The following SPRING1 variants were observed in gnomAD, a reference collection of about 807,000 sequenced individuals.
SPRING1 encodes the protein SREBP regulating gene protein.
In SPRING1, 14 loss-of-function variants were observed where a neutral mutation model predicts 24.7. That is an observed-to-expected ratio of 0.57 (90% CI 0.37 to 0.88). The LOEUF (loss-of-function observed/expected upper bound fraction) is 0.88. Among genes scored for constraint, SPRING1 ranks in the 40% least tolerant of loss-of-function variants. The pLI is 0.00. For synonymous variants in SPRING1, 93 were observed against 106.1 expected (o/e 0.88, Z 0.76); for missense variants, 255 against 268.4 (o/e 0.95, Z 0.35).
Position 116,719,876 on chromosome 12 carries a change from G to C in SPRING1, c.421C>G (p.Gln141Glu). Residue 141 changes from glutamine to glutamate, a missense_variant and splice_region_variant, in exon 4 of 5, where the codon CAA becomes GAA. Physicochemically the swap from Gln to Glu is conservative, Grantham distance 29. Coordinates refer to ENST00000261318, the MANE Select transcript of SPRING1 (RefSeq NM_024738.4). ...CVSCCLQPNK[Q>E]LLLERFLNRA... ...TTGAGGAAGCGCTCCAGGAGAAGTT[G>C]CTATGGAAACAAAAGTTAGTGCCTG... The C allele has an allele frequency of 6.2e-7, 1 of 1,613,850 alleles. No homozygotes were observed. Among genetic ancestry groups the C allele is most frequent in the African/African-American group, 1.3e-5 (1 of 75,034 alleles).
chr12:116,730,034 G>A (rs752572254), intron 1 of SPRING1, among the ~76,000 whole-genome samples: 46 of 152,120 alleles, frequency 3.0e-4, no homozygotes, highest in South Asian at 6.2e-4. Context: ...CCGAGTAGCT[G>A]GAACTACAGG....
In SPRING1 at chr12:116,716,094, C is replaced by A. The variant is rs760786873; in HGVS notation, c.*1716G>T. ...ATGGATGAGACATGCAGACATGCCA[C>A]AATCCGGCACATCAGAGTTCGATGT... On this transcript the variant is annotated 3_prime_UTR_variant, in exon 5 of 5. Transcript: ENST00000261318. 3 of 152,194 alleles carry A rather than the reference C, an allele frequency of 2.0e-5. No homozygotes were observed. The highest frequency in any genetic ancestry group is 4.4e-5 in the Non-Finnish European group (3 of 68,036). 9.4% of individuals were successfully genotyped at this position (152,194 alleles called of 1,614,324 possible).
intron 2 of SPRING1, among the ~76,000 whole-genome samples, chr12:116,722,632 A>T (rs1164843160): frequency 1.3e-5 from 2 of 152,262 alleles, no homozygotes; most frequent in African/African-American, 4.8e-5. Flanking sequence ...CATTCTGGTC[A>T]GTCAACAAGT....
chr12:116,731,109 A>C (rs1011607655), intron 1 of SPRING1, among the ~76,000 whole-genome samples: 18 of 152,256 alleles, frequency 1.2e-4, no homozygotes, highest in Admixed American at 2.6e-4. Context: ...TTCTACAGGA[A>C]AGATATGTAC....
In SPRING1 at chr12:116,717,150, T is replaced by C. The variant is rs1870177749; in HGVS notation, c.*660A>G. On this transcript the variant is annotated 3_prime_UTR_variant, in exon 5 of 5. Coordinates refer to ENST00000261318, the MANE Select transcript of SPRING1 (RefSeq NM_024738.4). This position sits in a 1 kb window ranked among gnomAD's most constrained non-coding sequence, Gnocchi z 4.2. ...TAGAATGGAAGAGTGTCTGAGTTTTTAGATAATTTTACACGTCAGGATATG... is the reference window on the plus strand; with the variant it reads ...TAGAATGGAAGAGTGTCTGAGTTTTCAGATAATTTTACACGTCAGGATATG... The C allele has an allele frequency of 6.6e-6, 1 of 152,202 alleles. No individual in the cohort carries two copies. The highest frequency in any genetic ancestry group is 2.1e-4 in the South Asian group (1 of 4,832). The allele number at this position is 152,202 out of a possible 1,614,324, so 9.4% of individuals were successfully genotyped here.
intron 1 of SPRING1, among the ~76,000 whole-genome samples, chr12:116,731,077 G>A (rs1176813155): frequency 1.3e-5 from 2 of 152,252 alleles, no homozygotes; most frequent in Admixed American, 6.5e-5. Context: ...AGAACGTACT[G>A]TTAGGCATAT....
intron 1 of SPRING1, among the ~76,000 whole-genome samples, chr12:116,730,035 G>C (rs931835312): frequency 1.3e-5 from 2 of 152,104 alleles, no homozygotes; most frequent in African/African-American, 4.8e-5. Flanking sequence ...CGAGTAGCTG[G>C]AACTACAGGC....
At chr12:116,735,630 G>C (rs1438426326) in intron 1 of SPRING1, among the ~76,000 whole-genome samples, 1 of 152,068 alleles carries the variant, frequency 6.6e-6, no homozygotes, top group Non-Finnish European at 1.5e-5. Flanking sequence ...TACTCAGGAG[G>C]CTAAGGCAGG....
intron 1 of SPRING1, among the ~76,000 whole-genome samples, chr12:116,733,756 G>C (rs1165704245): frequency 6.6e-6 from 1 of 152,164 alleles, no homozygotes. Context: ...GCTGACAGTA[G>C]TACACAGTAA....
rs1869993636 is a variant in SPRING1, at chr12:116,714,055, A to AGTT, written c.*3752_*3754dup. 1 of 151,500 alleles carries AGTT rather than the reference A, an allele frequency of 6.6e-6. No individual in the cohort carries two copies. Among genetic ancestry groups the AGTT allele is most frequent in the Non-Finnish European group, 1.5e-5 (1 of 67,908 alleles). 9.4% of individuals were successfully genotyped at this position (151,500 alleles called of 1,614,324 possible). On this transcript the variant is annotated 3_prime_UTR_variant, in exon 5 of 5. Coordinates refer to ENST00000261318, the MANE Select transcript of SPRING1 (RefSeq NM_024738.4). ...CTGCCCCTGCCATTGCTCCCTGCTG[A>AGTT]GTTGCAGACATTGACTTCTTGCCAA... is the stretch of plus-strand genomic sequence containing the variant.
chr12:116,731,328 A>C (rs892138777), intron 1 of SPRING1, among the ~76,000 whole-genome samples: 4 of 152,176 alleles, frequency 2.6e-5, no homozygotes, highest in Non-Finnish European at 5.9e-5. Context: ...AAGGTGAAAA[A>C]AGCAAATAAC....
rs555307043 is a variant in SPRING1 at position 116,717,578 on chromosome 12, G to T, written c.*232C>A. The T allele has an allele frequency of 4.9e-6, 2 of 406,926 alleles. No homozygotes were observed. Among genetic ancestry groups the T allele is most frequent in the African/African-American group, 2.1e-5 (1 of 48,174 alleles). 25.2% of individuals were successfully genotyped at this position (406,926 alleles called of 1,614,324 possible). A position where few individuals can be genotyped will look rare whatever the true frequency, so the allele number is the denominator to read the frequency against. On this transcript the variant is annotated 3_prime_UTR_variant, in exon 5 of 5. Coordinates refer to ENST00000261318, the MANE Select transcript of SPRING1 (RefSeq NM_024738.4). This position sits in a 1 kb window ranked among gnomAD's most constrained non-coding sequence, Gnocchi z 4.2. ...CCCGGCCTCCGGTTTCATCTTTCCC[G>T]AATGGGACTGGCTGGAGGGGCCAAG... is the stretch of plus-strand genomic sequence containing the variant.
intron 1 of SPRING1, among the ~76,000 whole-genome samples, chr12:116,727,568 G>A (rs339459): frequency 0.89 from 135,627 of 152,178 alleles, 60,584 homozygotes; most frequent in East Asian, 0.99. Flanking sequence ...ATGAACCTCA[G>A]AAAAAGAGGG....
Position 116,713,689 on chromosome 12 carries a change from C to T in SPRING1, c.*4121G>A, listed in dbSNP as rs1014011950. 1.3e-5 allele frequency: 2 copies of T among 152,202 alleles called. No homozygotes were observed. Among genetic ancestry groups the T allele is most frequent in the African/African-American group, 4.8e-5 (2 of 41,442 alleles). 9.4% of individuals were successfully genotyped at this position (152,202 alleles called of 1,614,324 possible). On this transcript the variant is annotated 3_prime_UTR_variant, in exon 5 of 5. Transcript: ENST00000261318. ...CTTGGAAACCAGTTAATGTCCTCAG[C>T]AGGGAATTAATAATATTATTGTATA...
intron 4 of SPRING1, 90 bp downstream of exon 4, chr12:116,719,673 C>T (rs1870321817): frequency 2.8e-6 from 3 of 1,070,812 alleles, no homozygotes; most frequent in Admixed American, 2.0e-5. Flanking sequence ...CCCTTACCAC[C>T]CCACCAAAAG....
At position 116,725,742 on chromosome 12, in the gene SPRING1, T is replaced by C. The variant is rs557232813; in HGVS notation, c.112-2519A>G. On this transcript the variant is annotated intron_variant, in intron 1 of 4. Transcript: ENST00000261318. ...CTACTAAAAATACAAAAAAATTAGCTGGGCGTGGTGGCGGGCGCCTGTAGT... is the reference window on the plus strand; with the variant it reads ...CTACTAAAAATACAAAAAAATTAGCCGGGCGTGGTGGCGGGCGCCTGTAGT... Among the ~76,000 whole-genome samples the C allele has an allele frequency of 2.8e-4, 43 of 152,006 alleles. No homozygotes were observed. In the South Asian group the frequency reaches 4.4e-3, roughly 15 times the overall value.
At chr12:116,719,677 C>T in intron 4 of SPRING1, 86 bp downstream of exon 4, 1 of 1,144,618 alleles carries the variant, frequency 8.7e-7, no homozygotes, top group Non-Finnish European at 1.3e-6. Flanking sequence ...TACCACCCCA[C>T]CAAAAGGATC....
In SPRING1 at chr12:116,726,484, A is replaced by C. The variant is rs535380189; in HGVS notation, c.112-3261T>G. Among the ~76,000 whole-genome samples, 6 of 152,312 alleles carry C rather than the reference A, an allele frequency of 3.9e-5. No individual in the cohort carries two copies. The South Asian group carries it at 1.0e-3, about 26-fold the overall frequency. On this transcript the variant is annotated intron_variant, in intron 1 of 4. Transcript: ENST00000261318. ...CCCTCCCTTTTGTTTCTTTGCAAAG[A>C]AAGAACTGGTACTAGCAGGACCGGG...
Position 116,710,288 on chromosome 12 carries a change from T to C in SPRING1, c.*7522A>G, listed in dbSNP as rs1592908776. The C allele has an allele frequency of 6.6e-6, 1 of 152,366 alleles. No individual in the cohort carries two copies. The highest frequency in any genetic ancestry group is 1.5e-5 in the Non-Finnish European group (1 of 68,032). The allele number at this position is 152,366 out of a possible 1,614,324, so 9.4% of individuals were successfully genotyped here. Reference sequence around the variant, plus strand: ...CCAGCGGAACTTTAATTAGTGGTTATCTCTAGGGGCTGGGAATCTAATTTG... The same window carrying C: ...CCAGCGGAACTTTAATTAGTGGTTACCTCTAGGGGCTGGGAATCTAATTTG... On this transcript the variant is annotated 3_prime_UTR_variant, in exon 5 of 5. Transcript: ENST00000261318.
Sources: gnomAD v4.1 joint callset for allele counts (sites outside exome capture counted in the v4.1 genomes callset) on GRCh38, gnomAD v4.1.1 for gene constraint, Gnocchi (gnomAD v3.1) non-coding constraint, MANE v1.5 for transcripts, NCBI Gene and HGNC (gene_info 2026-07-23, HGNC 2026-07-21) for gene names.